Variants in IPP observed in about 807,000 individuals in gnomAD.
IPP encodes the protein actin-binding protein IPP.
In IPP, 41 loss-of-function variants were observed where a neutral mutation model predicts 64.1. The observed-to-expected ratio is 0.64, with a 90% CI of 0.50 to 0.83. The LOEUF is 0.83. IPP is among the 40% of genes least tolerant of loss of function. The pLI is 0.00. For missense variants in IPP, 649 were observed against 703.0 expected (o/e 0.92, Z 0.87); for synonymous variants, 214 against 235.2 (o/e 0.91, Z 0.83).
intron 8 of IPP, among the ~76,000 whole-genome samples, chr1:45,702,093 T>G (rs1449250025): frequency 6.6e-6 from 1 of 152,206 alleles, no homozygotes; most frequent in Non-Finnish European, 1.5e-5. Context: ...TTAGGATAAT[T>G]TAGGTTATGT....
At chr1:45,698,336 T>C (rs907306246), downstream of IPP, among the ~76,000 whole-genome samples, 2 of 152,170 alleles carry the variant, frequency 1.3e-5, no homozygotes, top group Non-Finnish European at 1.5e-5. Context: ...TTAATATATA[T>C]TGCTCCAACT....
At chr1:45,750,394 G>A (rs1646205719) in intron 1 of IPP, among the ~76,000 whole-genome samples, 2 of 152,220 alleles carry the variant, frequency 1.3e-5, no homozygotes, top group South Asian at 4.1e-4. Context: ...GGGGAGGCAG[G>A]AGCGGTCCGG....
At chr1:45,735,693 G>A (rs1228455813) in intron 3 of IPP, among the ~76,000 whole-genome samples, 3 of 136,356 alleles carry the variant, frequency 2.2e-5, no homozygotes, top group Admixed American at 7.6e-5. Context: ...GCAGTGGTGC[G>A]ATCTTGGCTC....
At chr1:45,704,967 G>T (rs1645497931) in intron 8 of IPP, among the ~76,000 whole-genome samples, 2 of 152,142 alleles carry the variant, frequency 1.3e-5, no homozygotes, top group African/African-American at 4.8e-5. Flanking sequence ...CACTTAATTT[G>T]CACATAATTA....
intron 1 of IPP, among the ~76,000 whole-genome samples, chr1:45,749,494 G>GTTT (rs200158500): frequency 7.8e-6 from 1 of 128,882 alleles, no homozygotes; most frequent in East Asian, 2.2e-4. Flanking sequence ...TTGATTTTTT[G>GTTT]TTTTTTTTTT....
In IPP at chr1:45,746,471, A is replaced by C. The variant is rs1646135321; in HGVS notation, c.-50-10T>G. 3 of 1,385,226 alleles carry C rather than the reference A, an allele frequency of 2.2e-6. No individual in the cohort carries two copies. The highest frequency in any genetic ancestry group is 3.0e-6 in the Non-Finnish European group (3 of 1,004,268). The allele number at this position is 1,385,226 out of a possible 1,614,324, so 85.8% of individuals were successfully genotyped here. On this transcript the variant is annotated splice_polypyrimidine_tract_variant and intron_variant, in intron 1 of 8. Transcript: ENST00000396478. ...ATAATCTGTTACTACCCTGAAAAAC[A>C]AAATACAAAGAGATCAAGCAACAAA...
chr1:45,700,309 C>G, intron 8 of IPP, 119 bp from the exon 9 acceptor site: 1 of 1,357,572 alleles, frequency 7.4e-7, no homozygotes, highest in Non-Finnish European at 9.8e-7. Context: ...ACTATCTAGT[C>G]AGGTAAGCAT....
At chr1:45,725,199 C>T (rs1423632688) in intron 5 of IPP, among the ~76,000 whole-genome samples, 7 of 123,762 alleles carry the variant, frequency 5.7e-5, no homozygotes, top group African/African-American at 2.2e-4. Flanking sequence ...CCGCCCCGTC[C>T]GGGAGGGAGG....
rs530321062 is a variant in IPP, at chr1:45,736,170, C to G, written c.724+4731G>C. 2.6e-5 allele frequency among the ~76,000 whole-genome samples: 4 copies of G among 151,886 alleles called. No individual in the cohort carries two copies. The East Asian group carries it at 7.7e-4, about 29-fold the overall frequency. ...AGGGTCTCACTATGTTCAGCCCAGGCTAGTCTCAAACTCCTGGTCTCAAGT... is the reference window on the plus strand; with the variant it reads ...AGGGTCTCACTATGTTCAGCCCAGGGTAGTCTCAAACTCCTGGTCTCAAGT... On this transcript the variant is annotated intron_variant, in intron 3 of 8. Coordinates refer to ENST00000396478, the MANE Select transcript of IPP (RefSeq NM_005897.3).
At chr1:45,750,174 A>G (rs1330159790) in intron 1 of IPP, among the ~76,000 whole-genome samples, 1 of 152,262 alleles carries the variant, frequency 6.6e-6, no homozygotes, top group African/African-American at 2.4e-5. Flanking sequence ...AAGGGGTGTC[A>G]GAAAGAATCC....
In IPP at chr1:45,698,790, CT is replaced by C; in HGVS notation, c.*1175del. 4.1e-6 allele frequency: 2 copies of C among 492,880 alleles called. No homozygotes were observed. The highest frequency in any genetic ancestry group is 5.2e-6 in the Non-Finnish European group (2 of 385,296). The allele number at this position is 492,880 out of a possible 1,614,324, so 30.5% of individuals were successfully genotyped here. A position where few individuals can be genotyped will look rare whatever the true frequency, so the allele number is the denominator to read the frequency against. ...CCGGTGTGCAGTGGCACAATCTTGG[CT>C]CACTGCAGCCTTGACCTCCTGGGCT... On this transcript the variant is annotated 3_prime_UTR_variant, in exon 9 of 9. Coordinates refer to ENST00000396478, the MANE Select transcript of IPP (RefSeq NM_005897.3).
intron 3 of IPP, among the ~76,000 whole-genome samples, chr1:45,738,125 C>A (rs1417087485): frequency 6.6e-6 from 1 of 152,116 alleles, no homozygotes; most frequent in Non-Finnish European, 1.5e-5. Flanking sequence ...TAGAATGTAT[C>A]CCCCATGGAT....
Position 45,704,348 on chromosome 1 carries a change from C to T in IPP, c.1531-4158G>A, listed in dbSNP as rs1645490870. Among the ~76,000 whole-genome samples, 5 of 152,020 alleles carry T rather than the reference C, an allele frequency of 3.3e-5. No homozygotes were observed. The South Asian group carries it at 1.0e-3, about 32-fold the overall frequency. ...GGCTTCCTGGGTTCAAGCGATTCTC[C>T]TGCCTCAGCCTCCAGAGTAGCTGGG... On this transcript the variant is annotated intron_variant, in intron 8 of 8. Transcript: ENST00000396478.
At chr1:45,737,112 C>A (rs1645993035) in intron 3 of IPP, among the ~76,000 whole-genome samples, 1 of 151,768 alleles carries the variant, frequency 6.6e-6, no homozygotes, top group Non-Finnish European at 1.5e-5. Context: ...TGCCTTGCTC[C>A]TAGCAGAAGA....
At chr1:45,746,504 T>A (rs1646135669) in intron 1 of IPP, 43 bp from the exon 2 acceptor site, 1 of 892,090 alleles carries the variant, frequency 1.1e-6, no homozygotes, top group South Asian at 1.7e-5. Flanking sequence ...AAAATTTTTT[T>A]AACATGCTTT....
chr1:45,708,741 T>C (rs1039562219), intron 8 of IPP, among the ~76,000 whole-genome samples: 2 of 117,852 alleles, frequency 1.7e-5, no homozygotes, highest in African/African-American at 6.6e-5. Context: ...CTTTCAAAAA[T>C]GAAGGAGAGT....
chr1:45,726,881 G>T (rs2148568633), intron 5 of IPP, among the ~76,000 whole-genome samples: 1 of 151,740 alleles, frequency 6.6e-6, no homozygotes, highest in Non-Finnish European at 1.5e-5. Flanking sequence ...CCGCCACCAT[G>T]CCCAGCTAAT....
downstream of IPP, among the ~76,000 whole-genome samples, chr1:45,697,503 C>G (rs532248562): frequency 7.2e-5 from 11 of 152,188 alleles, no homozygotes; most frequent in South Asian, 2.3e-3. Context: ...CTGCCCACCT[C>G]AGTCTCCCAA....
chr1:45,708,405 G>GC (rs1385295622), intron 8 of IPP, among the ~76,000 whole-genome samples: 1 of 150,908 alleles, frequency 6.6e-6, no homozygotes, highest in South Asian at 2.1e-4. Context: ...AGGGCCAGGC[G>GC]CGGTGGCTCA....
Sources: allele counts gnomAD v4.1 joint callset (sites outside exome capture counted in the v4.1 genomes callset), GRCh38; gene constraint gnomAD v4.1.1; transcripts MANE v1.5; gene names NCBI Gene and HGNC (gene_info 2026-07-23, HGNC 2026-07-21).